Variants in FSCN1 observed in about 807,000 individuals in gnomAD.
FSCN1 encodes the protein fascin.
In FSCN1, 10 loss-of-function variants were observed where a neutral mutation model predicts 39.7. The ratio of observed to expected loss-of-function variants is 0.25; its 90% confidence interval spans 0.16 to 0.43. FSCN1 has a LOEUF of 0.43. FSCN1 is among the 20% of genes least tolerant of loss of function. FSCN1 has a pLI of 1.00. For synonymous variants in FSCN1, 322 were observed against 320.0 expected (o/e 1.01, Z -0.07); for missense variants, 525 against 723.8 (o/e 0.73, Z 3.15).
In FSCN1 at chr7:5,592,895, C is replaced by T. The variant is rs575634119; in HGVS notation, c.-42C>T. The T allele has an allele frequency of 9.3e-6, 12 of 1,291,600 alleles. No homozygotes were observed. The highest frequency in any genetic ancestry group is 2.6e-5 in the East Asian group (1 of 37,808). The allele number at this position is 1,291,600 out of a possible 1,614,324, so 80.0% of individuals were successfully genotyped here. On this transcript the variant is annotated 5_prime_UTR_variant, in exon 1 of 5. Coordinates refer to ENST00000382361, the MANE Select transcript of FSCN1 (RefSeq NM_003088.4). This position sits in a 1 kb window ranked among gnomAD's most constrained non-coding sequence, Gnocchi z 5.3. The stretch of plus-strand genomic sequence containing the variant: ...GGCGCCGCCGCAGGGACCCGCCACC[C>T]ACCTCCCGGGGCCGCGCAGCGGCCT...
intron 1 of FSCN1, among the ~76,000 whole-genome samples, chr7:5,602,500 G>T (rs899704130): frequency 1.3e-5 from 2 of 151,498 alleles, no homozygotes; most frequent in African/African-American, 4.9e-5. Context: ...TACCATTTTT[G>T]GTTGTATTTG....
intron 1 of FSCN1, among the ~76,000 whole-genome samples, chr7:5,595,799 G>A (rs897124312): frequency 2.6e-5 from 4 of 152,238 alleles, no homozygotes; most frequent in Non-Finnish European, 4.4e-5. Context: ...ACAGCCTCCC[G>A]TGGGGAAGAA....
intron 1 of FSCN1, among the ~76,000 whole-genome samples, chr7:5,600,621 A>C (rs1785808433): frequency 6.7e-6 from 1 of 149,498 alleles, no homozygotes; most frequent in African/African-American, 2.5e-5. Flanking sequence ...CCTCCCGAGC[A>C]GCTGGGATTA....
intron 1 of FSCN1, chr7:5,594,045 A>ACCCCCCCCCCC (rs758470979): frequency 3.8e-6 from 1 of 262,496 alleles, no homozygotes. Flanking sequence ...CACCCTCCTA[A>ACCCCCCCCCCC]CCCCCCCCCC....
intron 1 of FSCN1, among the ~76,000 whole-genome samples, chr7:5,594,374 G>A (rs1785692061): frequency 6.6e-6 from 1 of 151,966 alleles, no homozygotes; most frequent in South Asian, 2.1e-4. Context: ...GGGGGGGCGC[G>A]GGGTGTCAGC....
chr7:5,595,057 G>T (rs1013081863), intron 1 of FSCN1, among the ~76,000 whole-genome samples: 1 of 152,344 alleles, frequency 6.6e-6, no homozygotes, highest in Middle Eastern at 3.4e-3. Context: ...GGCGTGGGGG[G>T]ATCTTTTTCC....
Position 5,593,026 on chromosome 7 carries a change from G to A in FSCN1, c.90G>A (p.Gly30=). 1 of 1,598,090 alleles carries A rather than the reference G, an allele frequency of 6.3e-7. No individual in the cohort carries two copies. Among genetic ancestry groups the A allele is most frequent in the Non-Finnish European group, 8.5e-7 (1 of 1,172,858 alleles). Residue 30 remains glycine (G), a synonymous_variant, in exon 1 of 5, where the codon GGG becomes GGA. Transcript: ENST00000382361. The part of the protein sequence containing the change: ...GNKYLTAEAF[G]FKVNASASSL... ...AGTACCTGACGGCCGAGGCGTTCGG[G>A]TTCAAGGTGAACGCGTCCGCCAGCA... is the stretch of plus-strand genomic sequence containing the variant.
chr7:5,594,901 G>C (rs1213251632), intron 1 of FSCN1: 1 of 152,162 alleles, frequency 6.6e-6, no homozygotes. Flanking sequence ...CTGCAGGCAC[G>C]GCTATTTGCG....
In FSCN1 at chr7:5,603,315, G is replaced by A. The variant is rs767534476; in HGVS notation, c.891G>A (p.Glu297=). The part of the protein sequence containing the change: ...EETDQETFQL[E]IDRDTKKCAF... ...CCGACCAGGAGACCTTCCAGCTGGA[G>A]ATCGACCGCGACACCAAAAAGTGTG... The change falls in exon 2 of 5, where the codon GAG becomes GAA. Residue 297 remains glutamate, a synonymous_variant. Transcript: ENST00000382361. This position sits in a 1 kb window ranked among gnomAD's most constrained non-coding sequence, Gnocchi z 8.5. 1.2e-6 allele frequency: 2 copies of A among 1,613,304 alleles called. No homozygotes were observed. The highest frequency in any genetic ancestry group is 1.3e-5 in the African/African-American group (1 of 74,930).
intron 1 of FSCN1, chr7:5,602,935 C>T (rs2128550017): frequency 2.7e-6 from 1 of 374,104 alleles, no homozygotes; most frequent in East Asian, 5.8e-5. Context: ...GTCTCAAACT[C>T]CTAGACTCAA....
chr7:5,593,583 T>G lies in FSCN1; in HGVS notation c.647T>G (p.Phe216Cys). The change falls in exon 1 of 5, where the codon TTC becomes TGC. Residue 216 changes from phenylalanine (F) to cysteine (C), a missense_variant. Transcript: ENST00000382361. ...CCGGCCACTGGCTACACGCTGGAGTTCCGCTCCGGCAAGGTGGCCTTCCGC... is the reference window on the plus strand; with the variant it reads ...CCGGCCACTGGCTACACGCTGGAGTGCCGCTCCGGCAAGGTGGCCTTCCGC... ...PEPATGYTLEFRSGKVAFRDC... is the reference protein window; with the variant it reads ...PEPATGYTLECRSGKVAFRDC... 1 of 1,568,698 alleles carries G rather than the reference T, an allele frequency of 6.4e-7. No homozygotes were observed. The highest frequency in any genetic ancestry group is 8.6e-7 in the Non-Finnish European group (1 of 1,163,546).
At chr7:5,602,458 C>T (rs528864211) in intron 1 of FSCN1, among the ~76,000 whole-genome samples, 74 of 152,154 alleles carry the variant, frequency 4.9e-4, no homozygotes, top group Non-Finnish European at 8.2e-4. Flanking sequence ...TGCGCTGTTC[C>T]GCTGTGCTGC....
intron 1 of FSCN1, among the ~76,000 whole-genome samples, chr7:5,602,459 G>A (rs145980913): frequency 1.1e-4 from 17 of 151,952 alleles, no homozygotes; most frequent in African/African-American, 1.9e-4. Context: ...GCGCTGTTCC[G>A]CTGTGCTGCA....
In FSCN1 at chr7:5,593,575, G is replaced by T. The variant is rs1785672638; in HGVS notation, c.639G>T (p.Thr213=). The change falls in exon 1 of 5, where the codon ACG becomes ACT. Residue 213 remains threonine, a synonymous_variant. Transcript: ENST00000382361. ...GCCCCGAGCCGGCCACTGGCTACAC[G>T]CTGGAGTTCCGCTCCGGCAAGGTGG... ...VARPEPATGY[T]LEFRSGKVAF... 1.3e-6 allele frequency: 2 copies of T among 1,573,926 alleles called. No homozygotes were observed. The highest frequency in any genetic ancestry group is 1.1e-5 in the South Asian group (1 of 88,188).
rs769183978 is a variant in FSCN1, at chr7:5,593,081, G to A, written c.145G>A (p.Glu49Lys). ...SLKKKQIWTL[E>K]QPPDEAGSAA... Reference sequence around the variant, plus strand: ...GAAGAAGAAGCAGATCTGGACGCTGGAGCAGCCCCCTGACGAGGCGGGCAG... The same window carrying A: ...GAAGAAGAAGCAGATCTGGACGCTGAAGCAGCCCCCTGACGAGGCGGGCAG... The change falls in exon 1 of 5, where the codon GAG (glutamate) becomes AAG (lysine). Residue 49 changes from glutamate to lysine, a missense_variant. Glu to Lys is a moderately conservative substitution (Grantham distance 56). This residue lies in a region of FSCN1 where 246 missense variants were observed against 350.6 expected (regional missense o/e 0.70). Coordinates refer to ENST00000382361, the MANE Select transcript of FSCN1 (RefSeq NM_003088.4). 10 of 1,605,722 alleles carry A rather than the reference G, an allele frequency of 6.2e-6. No homozygotes were observed. The highest frequency in any genetic ancestry group is 2.2e-5 in the East Asian group (1 of 44,622).
At chr7:5,593,846 C>T in intron 1 of FSCN1, 78 bp downstream of exon 1, 1 of 1,006,482 alleles carries the variant, frequency 9.9e-7, no homozygotes, top group Non-Finnish European at 1.4e-6. Flanking sequence ...AGCCTCCCGC[C>T]CTTTCTCGCT....
chr7:5,594,482 C>G (rs935242054), intron 1 of FSCN1: 1 of 152,500 alleles, frequency 6.6e-6, no homozygotes, highest in Admixed American at 6.5e-5. Context: ...CCTCCCTCGC[C>G]CCCTTTGTCC....
In FSCN1 at chr7:5,605,358, T is replaced by A; in HGVS notation, c.1366T>A (p.Cys456Ser). The A allele has an allele frequency of 6.2e-7, 1 of 1,613,914 alleles. No individual in the cohort carries two copies. Among genetic ancestry groups the A allele is most frequent in the South Asian group, 1.1e-5 (1 of 91,082 alleles). Residue 456 changes from cysteine (C) to serine (S), a missense_variant, in exon 5 of 5, where the codon TGC becomes AGC. Cys to Ser is a moderately radical substitution (Grantham distance 112, BLOSUM62 -1). This residue lies in a region of FSCN1 where 275 missense variants were observed against 351.9 expected (regional missense o/e 0.78). Coordinates refer to ENST00000382361, the MANE Select transcript of FSCN1 (RefSeq NM_003088.4). The surrounding 1 kb of genome is among the most constrained non-coding windows in gnomAD (Gnocchi z 6.9). ...TCCTGTGGACTTCTTCTTCGAGTTCTGCGACTATAACAAGGTGGCCATCAA... is the reference window on the plus strand; with the variant it reads ...TCCTGTGGACTTCTTCTTCGAGTTCAGCGACTATAACAAGGTGGCCATCAA... ...DTPVDFFFEF[C>S]DYNKVAIKVG...
At chr7:5,594,275 A>G (rs1785689285) in intron 1 of FSCN1, among the ~76,000 whole-genome samples, 1 of 151,586 alleles carries the variant, frequency 6.6e-6, no homozygotes, top group Non-Finnish European at 1.5e-5. Flanking sequence ...CAGGCCTTTG[A>G]TCCCGGCGGG....
Sources: allele counts gnomAD v4.1 joint callset (sites outside exome capture counted in the v4.1 genomes callset), GRCh38; gene constraint gnomAD v4.1.1; regional missense constraint gnomAD v4.1.1; non-coding constraint Gnocchi (gnomAD v3.1); transcripts MANE v1.5; gene names NCBI Gene and HGNC (gene_info 2026-07-23, HGNC 2026-07-21).